Variants in SMAD9 observed in about 807,000 individuals in gnomAD.
SMAD9 encodes the protein MAD homolog 9.
A neutral mutation model predicts 46.1 loss-of-function variants in SMAD9; 36 were observed. That is an observed-to-expected ratio of 0.78 (90% CI 0.60 to 1.03). The LOEUF (loss-of-function observed/expected upper bound fraction) is 1.03. Ranked by LOEUF, SMAD9 falls within the 50% of genes least tolerant of loss-of-function variation. SMAD9 has a pLI of 0.00. For missense variants in SMAD9, 572 were observed against 599.8 expected (o/e 0.95, Z 0.48); for synonymous variants, 245 against 237.1 (o/e 1.03, Z -0.31).
At chr13:36,884,774 T>C (rs2058431199) in intron 1 of SMAD9, among the ~76,000 whole-genome samples, 1 of 152,162 alleles carries the variant, frequency 6.6e-6, no homozygotes, top group Non-Finnish European at 1.5e-5. Context: ...CTGAAGAAAA[T>C]ACAATTTTAA....
intron 1 of SMAD9, among the ~76,000 whole-genome samples, chr13:36,913,161 C>G (rs2058674297): frequency 1.3e-5 from 2 of 152,124 alleles, no homozygotes; most frequent in African/African-American, 4.8e-5. Flanking sequence ...GCAGAAACTG[C>G]TGACTCACAG....
chr13:36,866,561 C>G (rs910508478), intron 4 of SMAD9, among the ~76,000 whole-genome samples: 5 of 152,056 alleles, frequency 3.3e-5, no homozygotes, highest in Non-Finnish European at 7.4e-5. Flanking sequence ...AGAGTGTGTT[C>G]CTATATGCAT....
chr13:36,892,109 TG>T (rs2058493055), intron 1 of SMAD9, among the ~76,000 whole-genome samples: 2 of 152,164 alleles, frequency 1.3e-5, no homozygotes, highest in Admixed American at 1.3e-4. Context: ...GTACATAAAA[TG>T]GTATTAATGG....
chr13:36,888,989 T>C (rs1174382278), intron 1 of SMAD9, among the ~76,000 whole-genome samples: 2 of 152,074 alleles, frequency 1.3e-5, no homozygotes, highest in Non-Finnish European at 1.5e-5. Context: ...GCATTTTATA[T>C]CAACTGAAAA....
chr13:36,845,629 G>T lies in SMAD9; in HGVS notation c.*3047C>A, dbSNP rs1240418273. The T allele has an allele frequency of 2.7e-5, 4 of 148,242 alleles. No homozygotes were observed. Among genetic ancestry groups the T allele is most frequent in the Non-Finnish European group, 3.0e-5 (2 of 66,820 alleles). The allele number at this position is 148,242 out of a possible 1,614,324, so 9.2% of individuals were successfully genotyped here. On this transcript the variant is annotated 3_prime_UTR_variant, in exon 7 of 7. Transcript: ENST00000379826. ...GTTATCCTGGAAAGAATGCTATTCA[G>T]TTTTTTTTTTAATGTCTACATCAAG...
intron 1 of SMAD9, among the ~76,000 whole-genome samples, chr13:36,908,667 T>A (rs993986107): frequency 4.6e-5 from 7 of 152,184 alleles, no homozygotes; most frequent in Non-Finnish European, 2.9e-5. Context: ...TTGGGTATAC[T>A]GTGGCCCAGA....
At chr13:36,886,205 A>C (rs1472016196) in intron 1 of SMAD9, among the ~76,000 whole-genome samples, 1 of 152,272 alleles carries the variant, frequency 6.6e-6, no homozygotes, top group Non-Finnish European at 1.5e-5. Flanking sequence ...GCCAGGATTC[A>C]GACCCCTGCA....
intron 6 of SMAD9, chr13:36,852,474 T>C: frequency 2.0e-6 from 2 of 985,434 alleles, no homozygotes; most frequent in Non-Finnish European, 2.4e-6. Flanking sequence ...TTGTCTTTCC[T>C]TCCCACTAAG....
At chr13:36,861,580 T>C (rs1171845832) in intron 5 of SMAD9, among the ~76,000 whole-genome samples, 1 of 149,478 alleles carries the variant, frequency 6.7e-6, no homozygotes, top group East Asian at 2.1e-4. Context: ...CCTCCCAAAT[T>C]GCTGGGATTA....
intron 6 of SMAD9, chr13:36,851,717 A>C: frequency 1.0e-6 from 1 of 974,138 alleles, no homozygotes. Context: ...ACAGCTGCTC[A>C]TCTCAAATGT....
chr13:36,848,507 CAGGTTAACTAG>C lies in SMAD9; in HGVS notation c.*158_*168del. On this transcript the variant is annotated 3_prime_UTR_variant, in exon 7 of 7. Coordinates refer to ENST00000379826, the MANE Select transcript of SMAD9 (RefSeq NM_001127217.3). ...TTTTCCAATTGCACTGTACTGGCAT[CAGGTTAACTAG>C]AAAGCACAAAACAAACGGTGATTAA... 1 of 713,410 alleles carries C rather than the reference CAGGTTAACTAG, an allele frequency of 1.4e-6. No individual in the cohort carries two copies. Among genetic ancestry groups the C allele is most frequent in the Admixed American group, 2.2e-5 (1 of 45,730 alleles). The allele number at this position is 713,410 out of a possible 1,614,324, so 44.2% of individuals were successfully genotyped here. A position where few individuals can be genotyped will look rare whatever the true frequency, so the allele number is the denominator to read the frequency against.
intron 1 of SMAD9, among the ~76,000 whole-genome samples, chr13:36,917,335 G>A (rs1829621829): frequency 6.6e-6 from 1 of 151,462 alleles, no homozygotes; most frequent in South Asian, 2.1e-4. Context: ...CATTCACCAG[G>A]ATAACATGAA....
intron 5 of SMAD9, among the ~76,000 whole-genome samples, chr13:36,863,614 T>C (rs1187059360): frequency 2.6e-5 from 4 of 152,184 alleles, no homozygotes; most frequent in African/African-American, 7.2e-5. Flanking sequence ...GAAGGATCTC[T>C]CATGATCTGC....
At chr13:36,899,225 G>A (rs1017673884) in intron 1 of SMAD9, among the ~76,000 whole-genome samples, 23 of 152,130 alleles carry the variant, frequency 1.5e-4, no homozygotes, top group Non-Finnish European at 2.9e-4. Flanking sequence ...AAGGTGGGGC[G>A]GTGGAGGGAG....
chr13:36,898,667 T>C (rs2058549156), intron 1 of SMAD9, among the ~76,000 whole-genome samples: 1 of 152,184 alleles, frequency 6.6e-6, no homozygotes, highest in African/African-American at 2.4e-5. Context: ...TGCCATACTA[T>C]CATGTTAATA....
chr13:36,861,658 G>A (rs984507261), intron 5 of SMAD9, among the ~76,000 whole-genome samples: 7 of 150,832 alleles, frequency 4.6e-5, no homozygotes, highest in Non-Finnish European at 8.9e-5. Flanking sequence ...GGCCAGGTGG[G>A]GTGGCTTACA....
intron 1 of SMAD9, among the ~76,000 whole-genome samples, chr13:36,900,867 C>T (rs1024884946): frequency 6.6e-6 from 1 of 152,154 alleles, no homozygotes; most frequent in African/African-American, 2.4e-5. Context: ...ATCACCTTTA[C>T]CTAGTTCCAA....
At chr13:36,863,406 T>C (rs1179638745) in intron 5 of SMAD9, among the ~76,000 whole-genome samples, 1 of 152,228 alleles carries the variant, frequency 6.6e-6, no homozygotes, top group Admixed American at 6.5e-5. Flanking sequence ...GGGAGCACTA[T>C]TAGGTGCTCC....
chr13:36,917,180 C>G (rs988726233), intron 1 of SMAD9, among the ~76,000 whole-genome samples: 15 of 152,118 alleles, frequency 9.9e-5, no homozygotes, highest in African/African-American at 3.6e-4. Context: ...ACTCCTAATG[C>G]TAACAGATAT....
Sources: allele counts gnomAD v4.1 joint callset (sites outside exome capture counted in the v4.1 genomes callset), GRCh38; gene constraint gnomAD v4.1.1; transcripts MANE v1.5; gene names NCBI Gene and HGNC (gene_info 2026-07-23, HGNC 2026-07-21).